Variants in PAIP2B observed in about 807,000 individuals in gnomAD.
PAIP2B encodes the protein polyadenylate-binding protein-interacting protein 2B.
A neutral mutation model predicts 17.0 loss-of-function variants in PAIP2B; 13 were observed. That is an observed-to-expected ratio of 0.76 (90% confidence interval 0.50 to 1.22). The LOEUF (loss-of-function observed/expected upper bound fraction) is 1.22, where lower values mean the gene tolerates loss of function less well. Among genes scored for constraint, PAIP2B ranks in the 50% most tolerant of loss-of-function variants. The pLI, the probability that PAIP2B is intolerant of heterozygous loss-of-function variation, is 0.00. For synonymous variants in PAIP2B, 43 were observed against 48.7 expected (o/e 0.88, Z 0.48); for missense variants, 117 against 144.5 (o/e 0.81, Z 0.98).
At chr2:71,196,342 T>G (rs1194405607) in intron 2 of PAIP2B, among the ~76,000 whole-genome samples, 1 of 152,208 alleles carries the variant, frequency 6.6e-6, no homozygotes, top group Non-Finnish European at 1.5e-5. Flanking sequence ...TTGTGTTGAC[T>G]TCTATTTTTA....
In PAIP2B at chr2:71,202,470, T is replaced by C. The variant is rs1675007305; in HGVS notation, c.120A>G (p.Glu40=). Residue 40 remains glutamate, a synonymous_variant, in exon 2 of 4, where the codon GAA becomes GAG. Coordinates refer to ENST00000244221, the MANE Select transcript of PAIP2B (RefSeq NM_020459.1). ...PFAEYMWMEN[E]EDFNRQVEEE... ...TCTTTACCTGTCTGTTGAAATCCTC[T>C]TCATTCTCCATCCACATGTACTCTG... The C allele has an allele frequency of 6.2e-7, 1 of 1,613,820 alleles. No homozygotes were observed. The highest frequency in any genetic ancestry group is 8.5e-7 in the Non-Finnish European group (1 of 1,179,862).
At chr2:71,197,581 C>T (rs1051843506) in intron 2 of PAIP2B, among the ~76,000 whole-genome samples, 1 of 152,174 alleles carries the variant, frequency 6.6e-6, no homozygotes, top group Non-Finnish European at 1.5e-5. Flanking sequence ...GGGAAGTTTT[C>T]ATGGATGGTA....
At chr2:71,224,300 T>A (rs74672415) in intron 1 of PAIP2B, among the ~76,000 whole-genome samples, 9,110 of 152,248 alleles carry the variant, frequency 0.06, 428 homozygotes, top group African/African-American at 0.13. Context: ...GGATGAGTTG[T>A]TTTTAGGAAT....
intron 2 of PAIP2B, among the ~76,000 whole-genome samples, chr2:71,191,240 GAA>G (rs1309044435): frequency 3.3e-5 from 5 of 152,164 alleles, no homozygotes; most frequent in Non-Finnish European, 7.3e-5. Flanking sequence ...TAATTCAGAG[GAA>G]AAGTTACTGG....
intron 3 of PAIP2B, among the ~76,000 whole-genome samples, 169 bp downstream of exon 3, chr2:71,189,676 T>C (rs1293985223): frequency 6.6e-6 from 1 of 152,196 alleles, no homozygotes; most frequent in Non-Finnish European, 1.5e-5. Context: ...TGAGGAGCAA[T>C]GCATCTTTAA....
At chr2:71,194,115 CT>C (rs1674755473) in intron 2 of PAIP2B, among the ~76,000 whole-genome samples, 1 of 152,190 alleles carries the variant, frequency 6.6e-6, no homozygotes, top group Non-Finnish European at 1.5e-5. Flanking sequence ...ATTTTGGTCA[CT>C]GTAGACTTGC....
Position 71,202,449 on chromosome 2 carries a change from T to A in PAIP2B, c.138+3A>T. On this transcript the variant is annotated splice_donor_region_variant and intron_variant, in intron 2 of 3. Coordinates refer to ENST00000244221, the MANE Select transcript of PAIP2B (RefSeq NM_020459.1). The stretch of plus-strand genomic sequence containing the variant: ...TCTTCCACTTTTCCAGTTCTTTCTT[T>A]ACCTGTCTGTTGAAATCCTCTTCAT... 6.2e-7 allele frequency: 1 copy of A among 1,612,050 alleles called. No homozygotes were observed.
At chr2:71,226,331 G>A (rs1301664024) in intron 1 of PAIP2B, among the ~76,000 whole-genome samples, 2 of 152,314 alleles carry the variant, frequency 1.3e-5, no homozygotes, top group Non-Finnish European at 1.5e-5. Flanking sequence ...GGGTTGGTAG[G>A]GGGTGATGGG....
Position 71,188,419 on chromosome 2 carries a change from T to C in PAIP2B, c.*60A>G, listed in dbSNP as rs1674597992. 2.0e-6 allele frequency: 3 copies of C among 1,473,692 alleles called. No individual in the cohort carries two copies. Among genetic ancestry groups the C allele is most frequent in the Non-Finnish European group, 2.8e-6 (3 of 1,069,166 alleles). 91.3% of individuals were successfully genotyped at this position (1,473,692 alleles called of 1,614,324 possible). ...CCATCCCCCTCTTCAGCTCCACCAT[T>C]TTGTGCATTACTATCCCCAGATGTG... On this transcript the variant is annotated 3_prime_UTR_variant, in exon 4 of 4. Coordinates refer to ENST00000244221, the MANE Select transcript of PAIP2B (RefSeq NM_020459.1).
intron 1 of PAIP2B, among the ~76,000 whole-genome samples, chr2:71,225,160 G>T (rs1445821217): frequency 1.3e-5 from 2 of 152,170 alleles, no homozygotes; most frequent in South Asian, 4.1e-4. Context: ...AAGTGGCTGG[G>T]ATTACAGGCA....
intron 1 of PAIP2B, among the ~76,000 whole-genome samples, chr2:71,206,155 C>A (rs766521896): frequency 6.6e-6 from 1 of 152,198 alleles, no homozygotes; most frequent in Non-Finnish European, 1.5e-5. Context: ...TAAACACTGG[C>A]AATTAACTCT....
chr2:71,216,184 G>T (rs373627259), intron 1 of PAIP2B, among the ~76,000 whole-genome samples: 1 of 152,022 alleles, frequency 6.6e-6, no homozygotes, highest in African/African-American at 2.4e-5. Flanking sequence ...ACACACAAAG[G>T]TTTCGATTTA....
At chr2:71,200,991 A>G (rs1405549279) in intron 2 of PAIP2B, among the ~76,000 whole-genome samples, 2 of 141,062 alleles carry the variant, frequency 1.4e-5, no homozygotes, top group Non-Finnish European at 3.0e-5. Context: ...TCTTTCCTCA[A>G]TCTCTTTGTG....
intron 1 of PAIP2B, among the ~76,000 whole-genome samples, chr2:71,213,229 A>G (rs1675345419): frequency 6.6e-6 from 1 of 152,224 alleles, no homozygotes; most frequent in Non-Finnish European, 1.5e-5. Flanking sequence ...GAATCCCAAC[A>G]AAAATCACAA....
chr2:71,221,571 T>C (rs1399627542), intron 1 of PAIP2B, among the ~76,000 whole-genome samples: 2 of 152,188 alleles, frequency 1.3e-5, no homozygotes, highest in Non-Finnish European at 2.9e-5. Flanking sequence ...AAAAGGGAGA[T>C]GTATTGAATA....
rs750097796 is a variant in PAIP2B at position 71,188,446 on chromosome 2, G to C, written c.*33C>G. The C allele has an allele frequency of 4.2e-5, 67 of 1,580,822 alleles. No individual in the cohort carries two copies. The highest frequency in any genetic ancestry group is 5.3e-5 in the Non-Finnish European group (61 of 1,156,302). Reference sequence around the variant, plus strand: ...TGTGCATTACTATCCCCAGATGTGGGGACAGACAAGTCTTCCTCAAAGCTT... The same window carrying C: ...TGTGCATTACTATCCCCAGATGTGGCGACAGACAAGTCTTCCTCAAAGCTT... On this transcript the variant is annotated 3_prime_UTR_variant, in exon 4 of 4. Transcript: ENST00000244221.
intron 1 of PAIP2B, among the ~76,000 whole-genome samples, chr2:71,221,600 C>G (rs2103829632): frequency 6.6e-6 from 1 of 152,290 alleles, no homozygotes; most frequent in African/African-American, 2.4e-5. Flanking sequence ...GTGTCAATTA[C>G]CTTGTTAGAT....
At chr2:71,200,896 A>G (rs953538919) in intron 2 of PAIP2B, among the ~76,000 whole-genome samples, 18 of 152,206 alleles carry the variant, frequency 1.2e-4, no homozygotes, top group Non-Finnish European at 2.6e-4. Context: ...ATTTACTGCA[A>G]TATTGGAAGC....
At chr2:71,222,872 A>T (rs1232929893) in intron 1 of PAIP2B, among the ~76,000 whole-genome samples, 1 of 152,248 alleles carries the variant, frequency 6.6e-6, no homozygotes, top group Non-Finnish European at 1.5e-5. Flanking sequence ...AGAGGTTGAC[A>T]TGTGACAATG....
Sources: gnomAD v4.1 joint callset for allele counts (sites outside exome capture counted in the v4.1 genomes callset) on GRCh38, gnomAD v4.1.1 for gene constraint, MANE v1.5 for transcripts, NCBI Gene and HGNC (gene_info 2026-07-23, HGNC 2026-07-21) for gene names.